Variants in HDAC8 observed in about 807,000 individuals in gnomAD.
The protein encoded by HDAC8 is histone deacetylase-like 1.
Under a neutral mutation model 32.2 loss-of-function variants are expected in HDAC8, and 1 was observed. That is an observed-to-expected ratio of 0.03 (90% CI 0.01 to 0.15). The LOEUF (loss-of-function observed/expected upper bound fraction) is 0.15, where lower values mean the gene tolerates loss of function less well. HDAC8 is among the 10% of genes least tolerant of loss of function. The pLI, the probability that HDAC8 is intolerant of heterozygous loss-of-function variation, is 1.00. For missense variants in HDAC8, 117 were observed against 300.0 expected, an observed-to-expected ratio of 0.39 and a Z score of 4.51; for synonymous variants, 108 against 113.9, an observed-to-expected ratio of 0.95 and a Z score of 0.33.
intron 9 of HDAC8, among the ~76,000 whole-genome samples, chrX:72,384,703 T>C (rs781813156): frequency 1.7e-4 from 19 of 112,429 alleles, no homozygotes; most frequent in Non-Finnish European, 2.8e-4. Context: ...GAGTAAGTAA[T>C]ATATGTATTT....
At chrX:72,413,069 T>A (rs1188652639) in intron 9 of HDAC8, among the ~76,000 whole-genome samples, 3 of 110,961 alleles carry the variant, frequency 2.7e-5, no homozygotes, top group Admixed American at 9.5e-5. Flanking sequence ...TCCTTTTGTT[T>A]TAATTGTGTG....
At chrX:72,534,209 T>C (rs982129404) in intron 4 of HDAC8, among the ~76,000 whole-genome samples, 97 of 109,095 alleles carry the variant, frequency 8.9e-4, no homozygotes, top group African/African-American at 3.2e-3. Flanking sequence ...CAATTTTATT[T>C]CTATATAGTA....
At chrX:72,473,468 C>G (rs188519414) in intron 7 of HDAC8, 17 of 114,615 alleles carry the variant, frequency 1.5e-4, no homozygotes, top group Non-Finnish European at 2.9e-4. Context: ...ATGTATTTTA[C>G]ATGTCTTAAC....
chrX:72,551,109 A>G (rs1474580443), intron 4 of HDAC8, among the ~76,000 whole-genome samples: 5 of 110,849 alleles, frequency 4.5e-5, no homozygotes, highest in Non-Finnish European at 9.4e-5. Flanking sequence ...ACACACACAC[A>G]CACAAAACTG....
At chrX:72,407,786 C>T (rs1050847809) in intron 9 of HDAC8, among the ~76,000 whole-genome samples, 2 of 112,126 alleles carry the variant, frequency 1.8e-5, no homozygotes, top group African/African-American at 6.5e-5. Context: ...CCTTGAGCTA[C>T]GAAGTTTGTG....
At chrX:72,399,356 C>A (rs1264743519) in intron 9 of HDAC8, among the ~76,000 whole-genome samples, 2 of 111,537 alleles carry the variant, frequency 1.8e-5, no homozygotes, top group Admixed American at 1.9e-4. Flanking sequence ...AACCTGTGCA[C>A]CAATATTACA....
intron 4 of HDAC8, among the ~76,000 whole-genome samples, chrX:72,508,569 T>C (rs1556020216): frequency 8.9e-6 from 1 of 112,475 alleles, no homozygotes; most frequent in Admixed American, 9.4e-5. Flanking sequence ...TATAACAGTA[T>C]GAAGAGGTGA....
At chrX:72,454,134 G>T (rs782655686) in intron 9 of HDAC8, among the ~76,000 whole-genome samples, 16 of 112,157 alleles carry the variant, frequency 1.4e-4, no homozygotes, top group Admixed American at 9.5e-5. Flanking sequence ...GAATATAAAA[G>T]ATATTTTCTT....
At chrX:72,503,757 T>G (rs2049300773) in intron 4 of HDAC8, among the ~76,000 whole-genome samples, 1 of 112,144 alleles carries the variant, frequency 8.9e-6, no homozygotes, top group Admixed American at 9.5e-5. Flanking sequence ...AATGCCATAT[T>G]TGTGAATGAT....
At chrX:72,510,169 A>T (rs868969838) in intron 4 of HDAC8, among the ~76,000 whole-genome samples, 1 of 112,144 alleles carries the variant, frequency 8.9e-6, no homozygotes, top group Non-Finnish European at 1.9e-5. Flanking sequence ...TTTCTTCTAT[A>T]AACTCAATTT....
intron 4 of HDAC8, among the ~76,000 whole-genome samples, chrX:72,544,534 G>C (rs1556048527): frequency 9.0e-6 from 1 of 111,338 alleles, no homozygotes; most frequent in African/African-American, 3.3e-5. Flanking sequence ...ATCTTCCTAG[G>C]AGACTTCATT....
At chrX:72,358,967 C>T (rs146417626) in intron 9 of HDAC8, among the ~76,000 whole-genome samples, 1,637 of 111,899 alleles carry the variant, frequency 0.015, 13 homozygotes, top group Non-Finnish European at 0.026. Flanking sequence ...TGCTCACTTG[C>T]CTGCTGCTCA....
At chrX:72,502,637 T>C (rs2049260512) in intron 4 of HDAC8, among the ~76,000 whole-genome samples, 1 of 111,250 alleles carries the variant, frequency 9.0e-6, no homozygotes, top group Non-Finnish European at 1.9e-5. Context: ...AAAATAGATA[T>C]TTTGGCCGGG....
intron 8 of HDAC8, among the ~76,000 whole-genome samples, chrX:72,464,318 A>G (rs1261218504): frequency 8.9e-6 from 1 of 111,929 alleles, no homozygotes; most frequent in Non-Finnish European, 1.9e-5. Context: ...TCTTTGCTTC[A>G]GGAATTGAAA....
At chrX:72,408,612 G>T (rs782415725) in intron 9 of HDAC8, among the ~76,000 whole-genome samples, 15 of 111,464 alleles carry the variant, frequency 1.3e-4, no homozygotes, top group African/African-American at 4.6e-4. Context: ...CACCATGTTG[G>T]CCAGGCTGGT....
chrX:72,545,187 G>A (rs1413896525), intron 4 of HDAC8, among the ~76,000 whole-genome samples: 1 of 111,799 alleles, frequency 8.9e-6, no homozygotes, highest in Non-Finnish European at 1.9e-5. Flanking sequence ...CTTGAAGGCA[G>A]TAGAGAATAG....
chrX:72,492,988 A>T (rs1014501190), intron 5 of HDAC8, among the ~76,000 whole-genome samples: 2 of 111,960 alleles, frequency 1.8e-5, no homozygotes, highest in Non-Finnish European at 3.8e-5. Flanking sequence ...ATATGTAATG[A>T]AATATCAAAT....
At position 72,572,530 on chromosome X, in the gene HDAC8, T is replaced by A. The variant is rs1419825013; in HGVS notation, c.111+121A>T. The A allele has an allele frequency of 1.4e-5, 7 of 505,180 alleles. No homozygotes were observed. In the Admixed American group the frequency reaches 2.8e-4, roughly 20 times the overall value. 41.6% of individuals were successfully genotyped at this position (505,180 alleles called of 1,213,427 possible). A position where few individuals can be genotyped will look rare whatever the true frequency, so the allele number is the denominator to read the frequency against. Reference sequence around the variant, plus strand: ...TACAGCTTTAGGTATCTGATACAGCTACTCGAAATTTCTGAAGATTTCCCC... The same window carrying A: ...TACAGCTTTAGGTATCTGATACAGCAACTCGAAATTTCTGAAGATTTCCCC... On this transcript the variant is annotated intron_variant, in intron 1 of 10. Coordinates refer to ENST00000373573, the MANE Select transcript of HDAC8 (RefSeq NM_018486.3).
At chrX:72,511,137 T>C (rs782208296) in intron 4 of HDAC8, among the ~76,000 whole-genome samples, 17 of 111,588 alleles carry the variant, frequency 1.5e-4, no homozygotes, top group Non-Finnish European at 3.2e-4. Flanking sequence ...CAAAAATGTA[T>C]ACGTACATTT....
Sources: gnomAD v4.1 joint callset for allele counts (sites outside exome capture counted in the v4.1 genomes callset) on GRCh38, gnomAD v4.1.1 for gene constraint, MANE v1.5 for transcripts, NCBI Gene and HGNC (gene_info 2026-07-23, HGNC 2026-07-21) for gene names.